LIPA: variants seen among roughly 807,000 people sequenced by gnomAD.
LIPA encodes the protein lysosomal acid lipase/cholesteryl ester hydrolase.
LIPA carries 26 observed loss-of-function variants against 40.6 expected under a neutral mutation model. The observed-to-expected ratio is 0.64, with a 90% CI of 0.47 to 0.89. The LOEUF (loss-of-function observed/expected upper bound fraction) is 0.89. Ranked by LOEUF, LIPA falls within the 40% of genes least tolerant of loss-of-function variation. The pLI is 0.00. For synonymous variants in LIPA, 188 were observed against 168.4 expected (o/e 1.12, Z -0.90); for missense variants, 455 against 479.6 (o/e 0.95, Z 0.48).
At chr10:89,289,946 C>G (rs902651042) in intron 1 of LIPA, among the ~76,000 whole-genome samples, 10 of 150,006 alleles carry the variant, frequency 6.7e-5, no homozygotes, top group African/African-American at 2.5e-4. Flanking sequence ...CTTTGCATTT[C>G]TCTTTCCTAC....
chr10:89,248,421 AATT>A (rs199819768), intron 1 of LIPA, among the ~76,000 whole-genome samples: 1 of 100,066 alleles, frequency 1.0e-5, no homozygotes, highest in Admixed American at 1.0e-4. Context: ...CTCCCAAAGG[AATT>A]ATTATTATTA....
rs377392909 is a variant in LIPA, at chr10:89,221,777, T to C, written c.894+734A>G. On this transcript the variant is annotated intron_variant, in intron 8 of 9. Coordinates refer to ENST00000336233, the MANE Select transcript of LIPA (RefSeq NM_000235.4). Reference sequence around the variant, plus strand: ...GGAGAAAAATCAATCTATTTCTACATCTACTATTTCTATCCATGTCTTTAA... The same window carrying C: ...GGAGAAAAATCAATCTATTTCTACACCTACTATTTCTATCCATGTCTTTAA... 9.2e-5 allele frequency among the ~76,000 whole-genome samples: 14 copies of C among 152,348 alleles called. No homozygotes were observed. In the East Asian group the frequency reaches 2.3e-3, roughly 25 times the overall value.
chr10:89,264,327 C>T (rs890902882), intron 1 of LIPA, among the ~76,000 whole-genome samples: 1 of 152,186 alleles, frequency 6.6e-6, no homozygotes, highest in Admixed American at 6.5e-5. Context: ...GTACAGCTCT[C>T]AGGAGACCCA....
intron 2 of LIPA, chr10:89,406,375 G>A (rs1844531390): frequency 6.6e-6 from 1 of 152,234 alleles, no homozygotes; most frequent in Non-Finnish European, 1.5e-5. Context: ...GTGGGGCCAA[G>A]TAAGGGAATA....
At chr10:89,233,961 A>G (rs1391297384) in intron 3 of LIPA, among the ~76,000 whole-genome samples, 2 of 152,182 alleles carry the variant, frequency 1.3e-5, no homozygotes, top group African/African-American at 2.4e-5. Context: ...TGGGTAACCC[A>G]CACTCCCTCC....
intron 2 of LIPA, among the ~76,000 whole-genome samples, chr10:89,389,659 A>G (rs1283135691): frequency 1.3e-5 from 2 of 152,240 alleles, no homozygotes; most frequent in African/African-American, 4.8e-5. Flanking sequence ...TTCAGCAGAA[A>G]TGGCTTAGCA....
rs565072589 is a variant in LIPA at position 89,261,678 on chromosome 10, C to T, written c.-1-14029G>A. Among the ~76,000 whole-genome samples, 3 of 152,224 alleles carry T rather than the reference C, an allele frequency of 2.0e-5. No homozygotes were observed. The East Asian group carries it at 5.8e-4, about 29-fold the overall frequency. ...CTCATTGGCATAGGTCAAGTCCAGC[C>T]CCCTCTCAGTGCAGAGGAGAATAGA... is the stretch of plus-strand genomic sequence containing the variant. On this transcript the variant is annotated intron_variant, in intron 1 of 5. Transcript: ENST00000282673.
chr10:89,384,222 G>A (rs1844186092), intron 2 of LIPA: 1 of 1,614,138 alleles, frequency 6.2e-7, no homozygotes, highest in Non-Finnish European at 8.5e-7. Flanking sequence ...TCCAAATCAA[G>A]GAAGCTACAA....
At chr10:89,402,889 C>A (rs1233802059) in intron 2 of LIPA, 9 of 1,614,160 alleles carry the variant, frequency 5.6e-6, no homozygotes, top group Non-Finnish European at 7.6e-6. Flanking sequence ...TCTTTGCTTC[C>A]CCTAAGGCAG....
At chr10:89,251,109 C>T (rs941563517) in intron 1 of LIPA, among the ~76,000 whole-genome samples, 8 of 152,336 alleles carry the variant, frequency 5.3e-5, no homozygotes, top group Non-Finnish European at 1.2e-4. Context: ...TATTACGACT[C>T]CCATTTAAGC....
At chr10:89,401,648 T>C (rs2133627880) in intron 2 of LIPA, among the ~76,000 whole-genome samples, 1 of 152,304 alleles carries the variant, frequency 6.6e-6, no homozygotes, top group Middle Eastern at 3.4e-3. Flanking sequence ...TGTACCAATG[T>C]CAATTTTCTA....
At chr10:89,217,026 G>A (rs948531964) in intron 8 of LIPA, among the ~76,000 whole-genome samples, 1 of 152,062 alleles carries the variant, frequency 6.6e-6, no homozygotes, top group Admixed American at 6.6e-5. Context: ...TAAAATATTA[G>A]CAAAATGTCA....
chr10:89,385,235 A>G (rs1844201859), intron 2 of LIPA: 1 of 153,448 alleles, frequency 6.5e-6, no homozygotes, highest in Non-Finnish European at 1.5e-5. Context: ...TGAGATTGAG[A>G]CAACAGTCTT....
At chr10:89,298,084 G>T (rs578161393) in intron 1 of LIPA, among the ~76,000 whole-genome samples, 6 of 152,298 alleles carry the variant, frequency 3.9e-5, no homozygotes, top group African/African-American at 1.4e-4. Flanking sequence ...AGAACCCAAG[G>T]GTTTGTCCCA....
At chr10:89,362,637 C>A in intron 2 of LIPA, 1 of 447,410 alleles carries the variant, frequency 2.2e-6, no homozygotes, top group Non-Finnish European at 3.9e-6. Context: ...CATAGGCAGA[C>A]TGGCAGAAGC....
At chr10:89,292,892 T>G (rs1338301584) in intron 1 of LIPA, among the ~76,000 whole-genome samples, 1 of 151,890 alleles carries the variant, frequency 6.6e-6, no homozygotes, top group African/African-American at 2.4e-5. Context: ...CAAGCAATTC[T>G]CCTGCCTCTG....
At chr10:89,289,784 T>C (rs1052431407) in intron 1 of LIPA, among the ~76,000 whole-genome samples, 1 of 152,196 alleles carries the variant, frequency 6.6e-6, no homozygotes, top group Non-Finnish European at 1.5e-5. Flanking sequence ...TTCACCCCGA[T>C]GAAGTCCTAT....
upstream of LIPA, among the ~76,000 whole-genome samples, chr10:89,256,708 T>G (rs1356298065): frequency 2.0e-5 from 3 of 152,212 alleles, no homozygotes; most frequent in Non-Finnish European, 1.5e-5. Flanking sequence ...TGTAGAGGGC[T>G]TAGCACAATT....
chr10:89,350,641 G>C (rs754692066), intron 2 of LIPA, among the ~76,000 whole-genome samples: 35 of 151,890 alleles, frequency 2.3e-4, no homozygotes, highest in Non-Finnish European at 4.0e-4. Context: ...CAGGGGGTTG[G>C]GGGGAGATCT....
Sources: allele counts gnomAD v4.1 joint callset (sites outside exome capture counted in the v4.1 genomes callset), GRCh38; gene constraint gnomAD v4.1.1; transcripts MANE v1.5; gene names NCBI Gene and HGNC (gene_info 2026-07-23, HGNC 2026-07-21).